Variants in RASSF3 observed in about 807,000 individuals in gnomAD.
RASSF3 encodes the protein Ras association domain family member 3.
RASSF3 carries 19 observed loss-of-function variants against 19.9 expected under a neutral mutation model. That is an observed-to-expected ratio of 0.96 (90% CI 0.67 to 1.40). The LOEUF (loss-of-function observed/expected upper bound fraction) is 1.40. Among genes scored for constraint, RASSF3 ranks in the 40% most tolerant of loss-of-function variants. RASSF3 has a pLI of 0.00. For missense variants in RASSF3, 306 were observed against 289.8 expected, an observed-to-expected ratio of 1.06 and a Z score of -0.41; for synonymous variants, 110 against 104.2, an observed-to-expected ratio of 1.06 and a Z score of -0.34.
chr12:64,522,945 G>A (rs996641754), intron 1 of RASSF3, among the ~76,000 whole-genome samples: 13 of 152,192 alleles, frequency 8.5e-5, no homozygotes, highest in Non-Finnish European at 1.5e-5. Context: ...GAAAAAGAGT[G>A]TTGCTTTTCC....
intron 3 of RASSF3, among the ~76,000 whole-genome samples, chr12:64,691,071 A>T (rs913273597): frequency 2.0e-5 from 3 of 151,840 alleles, no homozygotes; most frequent in African/African-American, 7.3e-5. Flanking sequence ...CATGTTGGCC[A>T]GGCTGGTCTC....
At chr12:64,520,455 C>T (rs1031481550) in intron 1 of RASSF3, among the ~76,000 whole-genome samples, 4 of 151,212 alleles carry the variant, frequency 2.6e-5, no homozygotes, top group African/African-American at 9.7e-5. Flanking sequence ...GCCACCGCGC[C>T]GGCTAATTTC....
chr12:64,595,786 G>T (rs1869990701), intron 2 of RASSF3, among the ~76,000 whole-genome samples: 1 of 152,136 alleles, frequency 6.6e-6, no homozygotes, highest in Admixed American at 6.6e-5. Flanking sequence ...AGCAGCCTAA[G>T]AAGCAAAAGT....
intron 1 of RASSF3, among the ~76,000 whole-genome samples, chr12:64,676,026 A>G (rs1463580117): frequency 6.6e-6 from 1 of 152,182 alleles, no homozygotes; most frequent in African/African-American, 2.4e-5. Context: ...TTGAGTCTCT[A>G]GATGTGGCAC....
At chr12:64,609,847 G>A (rs1266397285), upstream of RASSF3, among the ~76,000 whole-genome samples, 1 of 152,214 alleles carries the variant, frequency 6.6e-6, no homozygotes, top group Non-Finnish European at 1.5e-5. Flanking sequence ...ATTTGGAAGT[G>A]AGCCCTCGCT....
intron 2 of RASSF3, among the ~76,000 whole-genome samples, chr12:64,567,685 A>G (rs1487558852): frequency 6.6e-6 from 1 of 152,202 alleles, no homozygotes; most frequent in Non-Finnish European, 1.5e-5. Context: ...CCTGAATAAT[A>G]CACTTTGGAA....
chr12:64,551,352 A>G (rs1412231745), intron 2 of RASSF3, among the ~76,000 whole-genome samples: 1 of 152,138 alleles, frequency 6.6e-6, no homozygotes, highest in African/African-American at 2.4e-5. Flanking sequence ...AGGCGAGTGG[A>G]TCACTTGAGC....
At chr12:64,694,118 T>C (rs866944224) in intron 4 of RASSF3, among the ~76,000 whole-genome samples, 25 of 151,218 alleles carry the variant, frequency 1.7e-4, no homozygotes, top group African/African-American at 4.6e-4. Flanking sequence ...GGCCGGAGAG[T>C]TTAGAGTCTT....
chr12:64,563,471 G>C (rs1388589421), intron 2 of RASSF3, among the ~76,000 whole-genome samples: 2 of 152,066 alleles, frequency 1.3e-5, no homozygotes, highest in Non-Finnish European at 2.9e-5. Flanking sequence ...CACCTGGCCA[G>C]AATATTTTCT....
chr12:64,594,750 A>G (rs567132775), intron 2 of RASSF3, among the ~76,000 whole-genome samples: 5 of 152,274 alleles, frequency 3.3e-5, no homozygotes, highest in African/African-American at 1.2e-4. Flanking sequence ...TTACATTTGT[A>G]AAGGAAATTT....
chr12:64,690,291 C>A (rs1455153703), intron 3 of RASSF3, among the ~76,000 whole-genome samples: 2 of 152,154 alleles, frequency 1.3e-5, no homozygotes, highest in Admixed American at 6.6e-5. Flanking sequence ...CAGTGATTCT[C>A]CTGCCTCAGC....
intron 1 of RASSF3, among the ~76,000 whole-genome samples, chr12:64,648,845 AC>A (rs374407593): frequency 1.3e-3 from 164 of 122,510 alleles, no homozygotes; most frequent in African/African-American, 5.1e-3. Flanking sequence ...TCGATCTGTT[AC>A]CCAGGCTGGA....
At chr12:64,625,655 G>A (rs1279820021) in intron 1 of RASSF3, among the ~76,000 whole-genome samples, 1 of 152,078 alleles carries the variant, frequency 6.6e-6, no homozygotes, top group African/African-American at 2.4e-5. Context: ...AATCAAATAA[G>A]GTAATACGTG....
In RASSF3 at chr12:64,571,402, C is replaced by T. The variant is rs17100453; in HGVS notation, c.294+29697C>T. 9.8e-3 allele frequency among the ~76,000 whole-genome samples: 1,491 copies of T among 152,014 alleles called. 11 individuals carry two copies. Among genetic ancestry groups the T allele is most frequent in the South Asian group, 0.015 (74 of 4,820 alleles). ...CATGAGGCTACCTGGCCACAGGAAA[C>T]GAGAACATGATCCTCAAACCCACAC... is the stretch of plus-strand genomic sequence containing the variant. On this transcript the variant is annotated intron_variant, in intron 2 of 5. Coordinates refer to the RASSF3 transcript ENST00000637125.
intron 1 of RASSF3, among the ~76,000 whole-genome samples, chr12:64,658,401 G>A (rs1440312971): frequency 1.3e-5 from 2 of 152,164 alleles, no homozygotes; most frequent in Non-Finnish European, 2.9e-5. Flanking sequence ...AGGCCTTAAG[G>A]AATTGATGGG....
intron 2 of RASSF3, among the ~76,000 whole-genome samples, chr12:64,548,438 C>T (rs1471517654): frequency 6.6e-6 from 1 of 152,148 alleles, no homozygotes; most frequent in Non-Finnish European, 1.5e-5. Context: ...TATCCTCCTG[C>T]CTTGGCCTCC....
intron 1 of RASSF3, 30 bp from the exon 2 acceptor site, chr12:64,684,757 C>T (rs1395284839): frequency 2.7e-6 from 4 of 1,474,148 alleles, no homozygotes; most frequent in Admixed American, 1.7e-5. Flanking sequence ...TATGATTGCT[C>T]ACATGTGACA....
intron 1 of RASSF3, among the ~76,000 whole-genome samples, chr12:64,658,018 C>T (rs1872219864): frequency 6.6e-6 from 1 of 152,174 alleles, no homozygotes; most frequent in Non-Finnish European, 1.5e-5. Context: ...TGCCACTGCA[C>T]TCCAGCCTGG....
chr12:64,602,597 GA>G (rs112537242), intron 2 of RASSF3, among the ~76,000 whole-genome samples: 128 of 147,606 alleles, frequency 8.7e-4, no homozygotes, highest in Non-Finnish European at 9.3e-4. Context: ...AAAGAAAAAA[GA>G]AAAAAAAATG....
Sources: allele counts gnomAD v4.1 joint callset (sites outside exome capture counted in the v4.1 genomes callset), GRCh38; gene constraint gnomAD v4.1.1; transcripts MANE v1.5; gene names NCBI Gene and HGNC (gene_info 2026-07-23, HGNC 2026-07-21).